CELF2: variants seen among roughly 807,000 people sequenced by gnomAD.
The protein encoded by CELF2 is CUG triplet repeat RNA-binding protein 2.
In CELF2, 8 loss-of-function variants were observed where a neutral mutation model predicts 62.6. The ratio of observed to expected loss-of-function variants is 0.13; its 90% CI spans 0.07 to 0.23. The LOEUF is 0.23. Among genes scored for constraint, CELF2 ranks in the 10% least tolerant of loss-of-function variants. The pLI, the probability that CELF2 is intolerant of heterozygous loss-of-function variation, is 1.00. For synonymous variants in CELF2, 258 were observed against 250.0 expected (o/e 1.03, Z -0.30); for missense variants, 333 against 671.0 (o/e 0.50, Z 5.56).
chr10:10,549,445 G>C, the CELF2 span, among the ~76,000 whole-genome samples: 2 of 152,120 alleles, frequency 1.3e-5, no homozygotes, highest in African/African-American at 4.8e-5. Context: ...CACCACGCCT[G>C]GATAATTTTT....
intron 1 of CELF2, among the ~76,000 whole-genome samples, chr10:11,125,188 C>T (rs924788756): frequency 5.9e-5 from 9 of 152,052 alleles, no homozygotes; most frequent in Non-Finnish European, 2.9e-5. Flanking sequence ...ACCTCTGGGC[C>T]CAGCTGAGTG....
chr10:10,582,863 A>G, the CELF2 span, among the ~76,000 whole-genome samples: 1 of 152,196 alleles, frequency 6.6e-6, no homozygotes, highest in Non-Finnish European at 1.5e-5. Context: ...ATTTGCATTA[A>G]TACAAATACT....
At chr10:10,684,026 G>A in the CELF2 span, among the ~76,000 whole-genome samples, 102 of 152,080 alleles carry the variant, frequency 6.7e-4, no homozygotes, top group African/African-American at 2.4e-3. Flanking sequence ...AAAATCGCAC[G>A]TACTTTCTGT....
the CELF2 span, among the ~76,000 whole-genome samples, chr10:10,466,417 T>C: frequency 1.3e-5 from 2 of 152,162 alleles, no homozygotes; most frequent in South Asian, 2.1e-4. Context: ...AGTATTTCAC[T>C]ATATAAATAA....
rs182296057 is a variant in CELF2, at chr10:11,329,221, C to G, written c.*168C>G. 3.8e-6 allele frequency: 2 copies of G among 521,682 alleles called. No homozygotes were observed. The highest frequency in any genetic ancestry group is 4.0e-5 in the Admixed American group (1 of 25,026). 32.3% of individuals were successfully genotyped at this position (521,682 alleles called of 1,614,324 possible). A position where few individuals can be genotyped will look rare whatever the true frequency, so the allele number is the denominator to read the frequency against. On this transcript the variant is annotated 3_prime_UTR_variant, in exon 13 of 13. Transcript: ENST00000633077. This position sits in a 1 kb window ranked among gnomAD's most constrained non-coding sequence, Gnocchi z 5.5. ...CCATGTCCCCACCCACTTCCCCTACCCAGTTTGCCATAATTAAAACTTGGG... is the reference window on the plus strand; with the variant it reads ...CCATGTCCCCACCCACTTCCCCTACGCAGTTTGCCATAATTAAAACTTGGG...
intron 3 of CELF2, among the ~76,000 whole-genome samples, chr10:11,228,899 G>A (rs2067589530): frequency 6.6e-6 from 1 of 152,196 alleles, no homozygotes; most frequent in Non-Finnish European, 1.5e-5. Flanking sequence ...AGAATCAAAA[G>A]CCCAGGAAAT....
chr10:10,684,330 C>T, the CELF2 span, among the ~76,000 whole-genome samples: 1 of 152,148 alleles, frequency 6.6e-6, no homozygotes, highest in Non-Finnish European at 1.5e-5. Flanking sequence ...GTTTGGAAAC[C>T]AGATATTGCT....
intron 2 of CELF2, among the ~76,000 whole-genome samples, chr10:11,187,015 T>C (rs548674319): frequency 6.6e-6 from 1 of 152,302 alleles, no homozygotes; most frequent in African/African-American, 2.4e-5. Flanking sequence ...AAAGAACAGG[T>C]ATCCTGTTGT....
Position 11,223,627 on chromosome 10 carries a change from G to T in CELF2, c.354+6120G>T, listed in dbSNP as rs919614344. Among the ~76,000 whole-genome samples the T allele has an allele frequency of 3.3e-5, 5 of 152,212 alleles. No individual in the cohort carries two copies. The highest frequency in any genetic ancestry group is 1.2e-4 in the African/African-American group (5 of 41,450). On this transcript the variant is annotated intron_variant, in intron 3 of 12. Coordinates refer to ENST00000633077, the MANE Select transcript of CELF2 (RefSeq NM_001326342.2). This position sits in a 1 kb window ranked among gnomAD's most constrained non-coding sequence, Gnocchi z 5.1. ...TTAAGGACTGTGACAGAGAGTAGCA[G>T]GGGGAGCTCCGGAGGAGTCCTTGAG... is the stretch of plus-strand genomic sequence containing the variant.
At chr10:11,169,971 GA>G (rs1315219513) in intron 2 of CELF2, among the ~76,000 whole-genome samples, 1 of 152,202 alleles carries the variant, frequency 6.6e-6, no homozygotes, top group African/African-American at 2.4e-5. Context: ...TGCAGGCCAA[GA>G]AAAACCATGG....
At chr10:11,161,838 T>C (rs938286162) in intron 1 of CELF2, among the ~76,000 whole-genome samples, 4 of 152,184 alleles carry the variant, frequency 2.6e-5, no homozygotes, top group African/African-American at 9.7e-5. Flanking sequence ...CTGTAATTAC[T>C]TCTCTTTGAA....
intron 2 of CELF2, among the ~76,000 whole-genome samples, chr10:10,930,277 G>T (rs1412253368): frequency 6.6e-6 from 1 of 152,116 alleles, no homozygotes; most frequent in Admixed American, 6.5e-5. Context: ...AATTATACTG[G>T]TGATCTCCAG....
At chr10:11,258,983 C>T (rs1026581537) in intron 5 of CELF2, among the ~76,000 whole-genome samples, 21 of 152,252 alleles carry the variant, frequency 1.4e-4, no homozygotes, top group African/African-American at 4.8e-4. Flanking sequence ...CGCACCCAGC[C>T]TGTGTTTTTC....
At chr10:10,699,606 A>T in the CELF2 span, among the ~76,000 whole-genome samples, 1 of 152,168 alleles carries the variant, frequency 6.6e-6, no homozygotes, top group Admixed American at 6.6e-5. Context: ...GGGAATGGGG[A>T]GGAGGTGACG....
chr10:10,480,669 A>T, the CELF2 span, among the ~76,000 whole-genome samples: 51 of 152,168 alleles, frequency 3.4e-4, no homozygotes, highest in Non-Finnish European at 4.4e-4. Context: ...AAGGAAACAA[A>T]CTCACTCTTA....
intron 9 of CELF2, 142 bp downstream of exon 9, chr10:11,288,694 G>T: frequency 5.5e-6 from 5 of 910,498 alleles, no homozygotes; most frequent in South Asian, 4.1e-5. Flanking sequence ...ATGTCATTGG[G>T]TTATTTTATT....
At chr10:11,186,499 C>G (rs2074977456) in intron 2 of CELF2, among the ~76,000 whole-genome samples, 1 of 151,972 alleles carries the variant, frequency 6.6e-6, no homozygotes, top group Non-Finnish European at 1.5e-5. Context: ...TACCTACATC[C>G]ACAAATTCTG....
At chr10:10,996,633 A>G in intron 2 of CELF2, among the ~76,000 whole-genome samples, 1 of 152,164 alleles carries the variant, frequency 6.6e-6, no homozygotes, top group Non-Finnish European at 1.5e-5. Flanking sequence ...TTGTATGTAT[A>G]TACTTTCTTA....
At chr10:10,876,715 C>T (rs1000768992) in intron 1 of CELF2, among the ~76,000 whole-genome samples, 2 of 152,228 alleles carry the variant, frequency 1.3e-5, no homozygotes, top group African/African-American at 4.8e-5. Flanking sequence ...TCTCCACTTA[C>T]GGGATCATGT....
Sources: allele counts gnomAD v4.1 joint callset (sites outside exome capture counted in the v4.1 genomes callset), GRCh38; gene constraint gnomAD v4.1.1; non-coding constraint Gnocchi (gnomAD v3.1); transcripts MANE v1.5; gene names NCBI Gene and HGNC (gene_info 2026-07-23, HGNC 2026-07-21).